CFAP299: variants seen among roughly 807,000 people sequenced by gnomAD.
The protein encoded by CFAP299 is cilia and flagella associated protein 299, also known as cilia- and flagella-associated protein 299.
CFAP299 carries 21 observed loss-of-function variants against 27.0 expected under a neutral mutation model. That is an observed-to-expected ratio of 0.78 (90% CI 0.55 to 1.12). The LOEUF (loss-of-function observed/expected upper bound fraction) is 1.12. Among genes scored for constraint, CFAP299 ranks in the 50% most tolerant of loss-of-function variants. The pLI, the probability that CFAP299 is intolerant of heterozygous loss-of-function variation, is 0.00. For missense variants in CFAP299, 310 were observed against 276.6 expected (o/e 1.12, Z -0.86); for synonymous variants, 104 against 98.1 (o/e 1.06, Z -0.36).
chr4:80,343,849 A>G (rs770816325), intron 1 of CFAP299, among the ~76,000 whole-genome samples: 5 of 150,952 alleles, frequency 3.3e-5, no homozygotes, highest in Non-Finnish European at 5.9e-5. Context: ...AATTCACTCA[A>G]CACCACACAA....
intron 2 of CFAP299, among the ~76,000 whole-genome samples, chr4:80,476,149 T>G (rs1730263543): frequency 6.6e-6 from 1 of 152,218 alleles, no homozygotes; most frequent in Admixed American, 6.5e-5. Flanking sequence ...CACCCCTTAC[T>G]CTATTCTCTT....
chr4:80,394,069 T>C (rs918939264), intron 2 of CFAP299, among the ~76,000 whole-genome samples: 1 of 152,148 alleles, frequency 6.6e-6, no homozygotes, highest in Non-Finnish European at 1.5e-5. Context: ...TCCTGTTGCC[T>C]TGTGAAGAAG....
chr4:80,768,092 CA>C (rs1407846904), intron 3 of CFAP299, among the ~76,000 whole-genome samples: 1 of 152,154 alleles, frequency 6.6e-6, no homozygotes, highest in Middle Eastern at 3.2e-3. Context: ...AACATTTTAA[CA>C]AGTGCAGTCC....
At chr4:80,586,296 C>G (rs1226588272) in intron 3 of CFAP299, among the ~76,000 whole-genome samples, 1 of 151,852 alleles carries the variant, frequency 6.6e-6, no homozygotes, top group Non-Finnish European at 1.5e-5. Context: ...ACTGCTAAAG[C>G]TATAATTGTG....
At chr4:80,941,442 C>T (rs1737190741) in intron 4 of CFAP299, among the ~76,000 whole-genome samples, 1 of 152,120 alleles carries the variant, frequency 6.6e-6, no homozygotes. Flanking sequence ...CTGGAATATA[C>T]TGCATACTAG....
At chr4:80,718,418 A>G (rs1206220081) in intron 3 of CFAP299, among the ~76,000 whole-genome samples, 3 of 152,072 alleles carry the variant, frequency 2.0e-5, no homozygotes, top group African/African-American at 4.8e-5. Context: ...TATCACTATT[A>G]TTTTCATCAA....
At chr4:80,841,737 C>T (rs892478454) in intron 3 of CFAP299, among the ~76,000 whole-genome samples, 3 of 151,954 alleles carry the variant, frequency 2.0e-5, no homozygotes, top group Admixed American at 2.0e-4. Context: ...TCCCAAAACC[C>T]AAGTAGGCCC....
intron 2 of CFAP299, among the ~76,000 whole-genome samples, chr4:80,560,342 G>A (rs976644279): frequency 5.9e-5 from 9 of 152,040 alleles, no homozygotes; most frequent in African/African-American, 1.4e-4. Context: ...GCCTTGGTGA[G>A]CCTCTAGACT....
At chr4:80,388,328 T>G in intron 2 of CFAP299, 1 of 684,784 alleles carries the variant, frequency 1.5e-6, no homozygotes, top group South Asian at 1.6e-5. Flanking sequence ...GATGTTCCCC[T>G]GGATCAGTGG....
At chr4:80,539,043 G>A (rs1471092504) in intron 2 of CFAP299, among the ~76,000 whole-genome samples, 1 of 152,168 alleles carries the variant, frequency 6.6e-6, no homozygotes, top group African/African-American at 2.4e-5. Flanking sequence ...CCTCAGGGAA[G>A]TATGCAATTT....
chr4:80,670,121 A>G (rs575223705), intron 3 of CFAP299, among the ~76,000 whole-genome samples: 3 of 152,102 alleles, frequency 2.0e-5, no homozygotes, highest in African/African-American at 7.2e-5. Context: ...TATTTCTCCT[A>G]ATGCTATCCA....
At chr4:80,633,857 T>C (rs761995402) in intron 3 of CFAP299, among the ~76,000 whole-genome samples, 2 of 152,164 alleles carry the variant, frequency 1.3e-5, no homozygotes, top group African/African-American at 2.4e-5. Context: ...AATTAGAACC[T>C]TTTCTTTACA....
intron 3 of CFAP299, among the ~76,000 whole-genome samples, chr4:80,656,396 C>T (rs958211779): frequency 1.3e-5 from 2 of 152,078 alleles, no homozygotes; most frequent in African/African-American, 2.4e-5. Flanking sequence ...CCCCGACAGA[C>T]CCCTGTGTGT....
At chr4:80,883,400 C>T (rs2110178538) in intron 4 of CFAP299, among the ~76,000 whole-genome samples, 1 of 152,054 alleles carries the variant, frequency 6.6e-6, no homozygotes, top group Non-Finnish European at 1.5e-5. Flanking sequence ...ACAAAATGTT[C>T]AGAAAACAAC....
At chr4:80,949,966 G>A (rs953208279) in intron 5 of CFAP299, among the ~76,000 whole-genome samples, 1 of 152,124 alleles carries the variant, frequency 6.6e-6, no homozygotes, top group African/African-American at 2.4e-5. Flanking sequence ...TAACCCAGGT[G>A]AAAAGTAAAA....
At chr4:80,940,850 A>T (rs1358173474) in intron 4 of CFAP299, among the ~76,000 whole-genome samples, 3 of 152,180 alleles carry the variant, frequency 2.0e-5, no homozygotes, top group Admixed American at 6.6e-5. Context: ...GCCTAATTCA[A>T]TTATTTTAAT....
intron 4 of CFAP299, among the ~76,000 whole-genome samples, chr4:80,942,857 C>T (rs1737269519): frequency 6.6e-6 from 1 of 152,128 alleles, no homozygotes; most frequent in Admixed American, 6.6e-5. Context: ...TGGCAATATC[C>T]TAACTGAAAA....
chr4:80,862,437 A>G (rs143852572), intron 3 of CFAP299, among the ~76,000 whole-genome samples: 2,025 of 152,290 alleles, frequency 0.013, 17 homozygotes, highest in Middle Eastern at 0.031. Context: ...CTTATAAACT[A>G]GGAGAGAAAA....
At chr4:80,724,550 A>G (rs1239886671) in intron 3 of CFAP299, among the ~76,000 whole-genome samples, 3 of 152,166 alleles carry the variant, frequency 2.0e-5, no homozygotes, top group Non-Finnish European at 4.4e-5. Flanking sequence ...AAAGCTTTTT[A>G]TAGGTAAGCC....
Sources: gnomAD v4.1 joint callset for allele counts (sites outside exome capture counted in the v4.1 genomes callset) on GRCh38, gnomAD v4.1.1 for gene constraint, MANE v1.5 for transcripts, NCBI Gene and HGNC (gene_info 2026-07-23, HGNC 2026-07-21) for gene names.